Variants in PPOX observed in about 807,000 individuals in gnomAD.
The protein encoded by PPOX is variegate porphyria.
Under a neutral mutation model 54.1 loss-of-function variants are expected in PPOX, and 23 were observed. That is an observed-to-expected ratio of 0.43 (90% CI 0.31 to 0.60). The LOEUF (loss-of-function observed/expected upper bound fraction) is 0.60, where lower values mean the gene tolerates loss of function less well. PPOX is among the 20% of genes least tolerant of loss of function. The probability of loss-of-function intolerance (pLI) is 0.13; values close to 1 mark genes in which losing one functional copy is unlikely to be tolerated. For synonymous variants in PPOX, 224 were observed against 236.1 expected (o/e 0.95, Z 0.47); for missense variants, 512 against 601.1 (o/e 0.85, Z 1.55).
Position 161,169,991 on chromosome 1 carries a change from T to C in PPOX, c.954T>C (p.Asn318=), listed in dbSNP as rs1450814233. Residue 318 remains asparagine (N), a synonymous_variant, in exon 9 of 13, where the codon AAT becomes AAC. Transcript: ENST00000367999. ...CTGCAGTGTCTGTAGCTGTGGTGAA[T>C]CTGCAGTACCAAGGAGCCCATCTGC... ...AITAVSVAVV[N]LQYQGAHLPV... 6.2e-7 allele frequency: 1 copy of C among 1,613,934 alleles called. No homozygotes were observed. Among genetic ancestry groups the C allele is most frequent in the Admixed American group, 1.7e-5 (1 of 60,006 alleles).
chr1:161,167,918 A>G, intron 4 of PPOX, 77 bp from the exon 5 acceptor site: 4 of 1,607,056 alleles, frequency 2.5e-6, no homozygotes, highest in Non-Finnish European at 2.6e-6. Flanking sequence ...AAGCCAAATG[A>G]GTGGAAATGA....
chr1:161,165,981 G>A (rs544263023), upstream of PPOX: 5 of 544,970 alleles, frequency 9.2e-6, no homozygotes, highest in Non-Finnish European at 9.3e-6. Context: ...CGATGGGGGA[G>A]TGCCACTGTT....
rs12735723 is a variant in PPOX at position 161,169,143 on chromosome 1, C to G, written c.767C>G (p.Pro256Arg). The G allele has an allele frequency of 8.9e-3, 14,423 of 1,614,136 alleles. 79 individuals carry two copies. The highest frequency in any genetic ancestry group is 0.011 in the Non-Finnish European group (12,787 of 1,180,030). Residue 256 changes from proline to arginine, a missense_variant, in exon 7 of 13, where the codon CCG (proline) becomes CGG (arginine). Coordinates refer to ENST00000367999, the MANE Select transcript of PPOX (RefSeq NM_001122764.3). ...GGGGTCAGTGTTCTCAGAGGCCAGC[C>G]GGTCTGTGGGCTCAGCCTCCAGGCA... ...SRGVSVLRGQ[P>R]VCGLSLQAEG...
At chr1:161,171,759 G>A, downstream of PPOX, 2 of 1,589,394 alleles carry the variant, frequency 1.3e-6, no homozygotes, top group South Asian at 2.2e-5. Flanking sequence ...GCTGAGGGTG[G>A]GGAGAATACA....
chr1:161,166,151 G>A, upstream of PPOX: 1 of 985,140 alleles, frequency 1.0e-6, no homozygotes. Flanking sequence ...TTCCCTCTAG[G>A]GTTGTCACCC....
downstream of PPOX, chr1:161,174,993 C>T: frequency 6.2e-7 from 1 of 1,613,016 alleles, no homozygotes; most frequent in Non-Finnish European, 8.5e-7. Context: ...TTGGGGGTAC[C>T]TGGTGGATGA....
At chr1:161,170,321 T>TGCCCCCCCCCCCC in intron 9 of PPOX, 88 bp from the exon 10 acceptor site, 1 of 367,766 alleles carries the variant, frequency 2.7e-6, no homozygotes, top group Non-Finnish European at 5.3e-6. Context: ...TGAGACTCTG[T>TGCCCCCCCCCCCC]CCCCCCCACC....
At position 161,169,174 on chromosome 1, in the gene PPOX, G is replaced by A. The variant is rs768366428; in HGVS notation, c.798G>A (p.Gly266=). 6.2e-7 allele frequency: 1 copy of A among 1,613,780 alleles called. No homozygotes were observed. Among genetic ancestry groups the A allele is most frequent in the African/African-American group, 1.3e-5 (1 of 74,930 alleles). Residue 266 remains glycine (G), a synonymous_variant, in exon 7 of 13, where the codon GGG becomes GGA. Transcript: ENST00000367999. The stretch of plus-strand genomic sequence containing the variant: ...GTGGGCTCAGCCTCCAGGCAGAAGG[G>A]CGCTGGAAGGTAGGGGAACCCCTGG... ...PVCGLSLQAE[G]RWKVSLRDSS...
intron 3 of PPOX, 65 bp downstream of exon 3, chr1:161,167,299 A>G: frequency 6.2e-7 from 1 of 1,614,062 alleles, no homozygotes; most frequent in South Asian, 1.1e-5. Context: ...AATAGAGTTT[A>G]GGGGAGGAAG....
intron 7 of PPOX, 23 bp from the exon 8 acceptor site, chr1:161,169,637 C>G: frequency 6.2e-7 from 1 of 1,612,418 alleles, no homozygotes; most frequent in Non-Finnish European, 8.5e-7. Flanking sequence ...TTCTGGGTCT[C>G]TCAAATGTTT....
At chr1:161,166,165 C>CT (rs1208384164), upstream of PPOX, 5 of 983,424 alleles carry the variant, frequency 5.1e-6, no homozygotes, top group Admixed American at 6.1e-5. Flanking sequence ...GTCACCCTAG[C>CT]TGGACCTGGT....
downstream of PPOX, among the ~76,000 whole-genome samples, chr1:161,174,649 CTT>C (rs1342077542): frequency 6.6e-6 from 1 of 152,176 alleles, no homozygotes; most frequent in Non-Finnish European, 1.5e-5. Flanking sequence ...ATCTTATGCT[CTT>C]TCCTCATGTT....
intron 9 of PPOX, 74 bp from the exon 10 acceptor site, chr1:161,170,335 C>G (rs1030250528): frequency 4.0e-6 from 3 of 751,924 alleles, no homozygotes; most frequent in Non-Finnish European, 6.7e-6. Context: ...CCCCACCCCC[C>G]CAAAAAAATG....
intron 4 of PPOX, chr1:161,167,727 G>A: frequency 1.4e-6 from 1 of 704,196 alleles, no homozygotes; most frequent in South Asian, 1.9e-5. Flanking sequence ...ACCACGTCTG[G>A]CTAGTTTTTG....
At chr1:161,165,898 T>C (rs1658745151), upstream of PPOX, among the ~76,000 whole-genome samples, 1 of 152,002 alleles carries the variant, frequency 6.6e-6, no homozygotes, top group East Asian at 1.9e-4. Context: ...GAAGGTTATG[T>C]ACTGGGAGGA....
At chr1:161,171,693 C>A, downstream of PPOX, 1 of 1,379,538 alleles carries the variant, frequency 7.2e-7, no homozygotes, top group Non-Finnish European at 9.9e-7. Context: ...AGGCCCCTAC[C>A]CCCTAGCACG....
downstream of PPOX, chr1:161,176,083 G>C (rs369834383): frequency 6.2e-6 from 10 of 1,611,896 alleles, no homozygotes; most frequent in Middle Eastern, 1.7e-4. Flanking sequence ...ATCTAGGGAG[G>C]GAGAGGGGAA....
downstream of PPOX, chr1:161,172,235 A>G (rs755458341): frequency 1.2e-6 from 2 of 1,613,944 alleles, no homozygotes; most frequent in South Asian, 2.2e-5. Context: ...ACCTGTGGGG[A>G]TTTTCCTCAT....
At chr1:161,166,405 C>T (rs1196497182), upstream of PPOX, 1 of 1,108,298 alleles carries the variant, frequency 9.0e-7, no homozygotes, top group South Asian at 2.5e-5. Context: ...TAGGGTTAGG[C>T]GCGTGCCGCG....
Sources: gnomAD v4.1 joint callset for allele counts (sites outside exome capture counted in the v4.1 genomes callset) on GRCh38, gnomAD v4.1.1 for gene constraint, MANE v1.5 for transcripts, NCBI Gene and HGNC (gene_info 2026-07-23, HGNC 2026-07-21) for gene names.